Variants in MDN1 observed in about 807,000 individuals in gnomAD.
The protein encoded by MDN1 is midasin.
MDN1 carries 266 observed loss-of-function variants against 669.2 expected under a neutral mutation model. That is an observed-to-expected ratio of 0.40 (90% CI 0.36 to 0.44). MDN1 has a LOEUF of 0.44. Ranked by LOEUF, MDN1 falls within the 20% of genes least tolerant of loss-of-function variation. The pLI, the probability that MDN1 is intolerant of heterozygous loss-of-function variation, is 1.00. For synonymous variants in MDN1, 2,385 were observed against 2,457.1 expected, an observed-to-expected ratio of 0.97 and a Z score of 0.87; for missense variants, 5,940 against 6,754.0, an observed-to-expected ratio of 0.88 and a Z score of 4.22.
chr6:89,648,345 T>C lies in MDN1; in HGVS notation c.16207-16A>G. On this transcript the variant is annotated splice_polypyrimidine_tract_variant and intron_variant, in intron 97 of 101. Transcript: ENST00000369393. ...CAAATGCAAGCTGTGAATTAGAAAGTTAATGATTTTAGGAATCAGAATATC... is the reference window on the plus strand; with the variant it reads ...CAAATGCAAGCTGTGAATTAGAAAGCTAATGATTTTAGGAATCAGAATATC... 6.2e-7 allele frequency: 1 copy of C among 1,610,926 alleles called. No individual in the cohort carries two copies. Among genetic ancestry groups the C allele is most frequent in the South Asian group, 1.1e-5 (1 of 91,000 alleles).
At position 89,794,193 on chromosome 6, in the gene MDN1, C is replaced by G; in HGVS notation, c.569G>C (p.Cys190Ser). The part of the protein sequence containing the change: ...DTLVRWYTAN[C>S]LALVTCMNEE... Reference sequence around the variant, plus strand: ...ATTCATACAGGTAACCAAAGCAAGACAATTGGCTGTATACCTAGGGAAAAA... The same window carrying G: ...ATTCATACAGGTAACCAAAGCAAGAGAATTGGCTGTATACCTAGGGAAAAA... Residue 190 changes from cysteine to serine, a missense_variant, in exon 4 of 102, where the codon TGT becomes TCT. Physicochemically the swap from Cys to Ser is moderately radical, Grantham distance 112 (BLOSUM62 -1). Transcript: ENST00000369393. 1 of 1,585,330 alleles carries G rather than the reference C, an allele frequency of 6.3e-7. No individual in the cohort carries two copies. Among genetic ancestry groups the G allele is most frequent in the South Asian group, 1.2e-5 (1 of 86,022 alleles).
chr6:89,783,248 A>G (rs889487883), intron 9 of MDN1, among the ~76,000 whole-genome samples: 23 of 152,086 alleles, frequency 1.5e-4, no homozygotes, highest in African/African-American at 5.6e-4. Flanking sequence ...GAATATTAAT[A>G]TTAATACCCC....
intron 61 of MDN1, among the ~76,000 whole-genome samples, chr6:89,694,877 T>C (rs151301673): frequency 1.2e-4 from 19 of 152,252 alleles, no homozygotes; most frequent in Non-Finnish European, 1.8e-4. Flanking sequence ...GAGTTTTAGA[T>C]AGCAAGCACC....
intron 1 of MDN1, among the ~76,000 whole-genome samples, chr6:89,803,890 C>CTTT (rs370234875): frequency 1.1e-5 from 1 of 93,226 alleles, no homozygotes; most frequent in African/African-American, 4.1e-5. Flanking sequence ...CTTTTCTTTT[C>CTTT]TTTTCTTTTT....
In MDN1 at chr6:89,658,597, C is replaced by T; in HGVS notation, c.15021+13G>A. ...ATTATTTTTAACATAAAAAGCCAGA[C>T]ATCTCATGATACCTGGGGCTGGAAA... On this transcript the variant is annotated intron_variant, in intron 89 of 101. Transcript: ENST00000369393. 3.1e-6 allele frequency: 5 copies of T among 1,595,898 alleles called. No individual in the cohort carries two copies. The highest frequency in any genetic ancestry group is 2.7e-5 in the African/African-American group (2 of 74,202).
rs781716925 is a variant in MDN1 at position 89,719,111 on chromosome 6, T to C, written c.6057+25A>G. ...GAAACCATTAAAAAATGTCAAAGGA[T>C]AGAGGATTATCCTAGTCTCCTTACC... On this transcript the variant is annotated intron_variant, in intron 41 of 101. Coordinates refer to ENST00000369393, the MANE Select transcript of MDN1 (RefSeq NM_014611.3). The C allele has an allele frequency of 3.1e-6, 5 of 1,611,522 alleles. No individual in the cohort carries two copies. In the South Asian group the frequency reaches 3.3e-5, roughly 11 times the overall value.
At chr6:89,711,474 G>A (rs1406324560) in intron 49 of MDN1, among the ~76,000 whole-genome samples, 1 of 152,130 alleles carries the variant, frequency 6.6e-6, no homozygotes, top group Non-Finnish European at 1.5e-5. Context: ...GCATACAGGA[G>A]GATGTGTGTA....
At chr6:89,757,688 A>C (rs1389978790) in intron 19 of MDN1, among the ~76,000 whole-genome samples, 2 of 152,202 alleles carry the variant, frequency 1.3e-5, no homozygotes, top group Non-Finnish European at 2.9e-5. Flanking sequence ...AGGCAGGCAG[A>C]TCTCTTGAGC....
intron 94 of MDN1, 23 bp downstream of exon 94, chr6:89,652,969 C>T (rs780260616): frequency 6.2e-7 from 1 of 1,604,360 alleles, no homozygotes; most frequent in South Asian, 1.1e-5. Context: ...TATATTAATG[C>T]AGTAATTTGT....
chr6:89,767,768 G>A (rs1817871583), intron 15 of MDN1, among the ~76,000 whole-genome samples: 1 of 151,946 alleles, frequency 6.6e-6, no homozygotes, highest in African/African-American at 2.4e-5. Context: ...AACCTAGGCT[G>A]GGGATGGTGG....
rs372396250 is a variant in MDN1 at position 89,751,503 on chromosome 6, A to G, written c.3155T>C (p.Ile1052Thr). The change falls in exon 23 of 102, where the codon ATA (isoleucine) becomes ACA (threonine). Residue 1052 changes from isoleucine to threonine, a missense_variant. Physicochemically the swap from Ile to Thr is moderately conservative, Grantham distance 89 (BLOSUM62 -1). Around this residue, in one of 5 missense-constraint regions of MDN1, gnomAD observed 1,203 missense variants for 1,268.9 expected, o/e 0.95. Coordinates refer to ENST00000369393, the MANE Select transcript of MDN1 (RefSeq NM_014611.3). ...WIAVGDKEPT[I>T]DETYILTSSV... ...AGATGTCAGAATGTACGTCTCATCT[A>G]TTGTAGGCTCCTTGTCTCCCACCGC... 1.5e-5 allele frequency: 24 copies of G among 1,614,008 alleles called. No individual in the cohort carries two copies. Among genetic ancestry groups the G allele is most frequent in the Non-Finnish European group, 1.9e-5 (22 of 1,180,002 alleles).
intron 26 of MDN1, among the ~76,000 whole-genome samples, 188 bp from the exon 27 acceptor site, chr6:89,747,658 A>G (rs550659788): frequency 2.4e-4 from 36 of 152,022 alleles, no homozygotes; most frequent in South Asian, 1.0e-3. Flanking sequence ...TTGGAAGGCC[A>G]AGGCGGGCGG....
chr6:89,729,044 T>C lies in MDN1; in HGVS notation c.5236A>G (p.Lys1746Glu), dbSNP rs1404588157. ...GAACCCTCCAGGAGAATGGGCTTCT[T>C]CAGTTTGGTAGCTCTTAAGAGCCTC... ...AQRLLRATKLKKPILLEGSPG... is the reference protein window; with the variant it reads ...AQRLLRATKLEKPILLEGSPG... The change falls in exon 36 of 102, where the codon AAG (lysine) becomes GAG (glutamate). Residue 1746 changes from lysine (K) to glutamate (E), a missense_variant. Lys to Glu is a moderately conservative substitution (Grantham distance 56, BLOSUM62 1). Around this residue, in one of 5 missense-constraint regions of MDN1, gnomAD observed 2,292 missense variants for 2,638.3 expected, o/e 0.87. Transcript: ENST00000369393. 6.2e-7 allele frequency: 1 copy of C among 1,614,134 alleles called. No individual in the cohort carries two copies. Among genetic ancestry groups the C allele is most frequent in the Non-Finnish European group, 8.5e-7 (1 of 1,180,016 alleles).
chr6:89,702,273 G>A (rs983494027), intron 53 of MDN1, among the ~76,000 whole-genome samples: 64 of 152,200 alleles, frequency 4.2e-4, no homozygotes, highest in African/African-American at 1.5e-3. Context: ...AGACAGAGGA[G>A]GTGAAGATCT....
At position 89,781,063 on chromosome 6, in the gene MDN1, C is replaced by T. The variant is rs142445951; in HGVS notation, c.1643+336G>A. ...ATCCAAGAAGACTTATTTAAGACTC[C>T]AAGTGTCAGAAAAGGGCATTCAGTG... On this transcript the variant is annotated intron_variant, in intron 10 of 101. Coordinates refer to ENST00000369393, the MANE Select transcript of MDN1 (RefSeq NM_014611.3). Among the ~76,000 whole-genome samples, 57 of 151,878 alleles carry T rather than the reference C, an allele frequency of 3.8e-4. 1 individual carries two copies. The East Asian group carries it at 9.3e-3, about 25-fold the overall frequency.
rs1812152950 is a variant in MDN1 at position 89,688,256 on chromosome 6, A to T, written c.11260-83T>A. ...GGTACTGAAGAGAGTCCTGACCAGA[A>T]GATTCCCCCCAGTTCTCTACTTTTA... On this transcript the variant is annotated intron_variant, in intron 66 of 101. Coordinates refer to ENST00000369393, the MANE Select transcript of MDN1 (RefSeq NM_014611.3). 3.2e-6 allele frequency: 4 copies of T among 1,259,660 alleles called. No individual in the cohort carries two copies. In the East Asian group the frequency reaches 7.0e-5, roughly 22 times the overall value. 78.0% of individuals were successfully genotyped at this position (1,259,660 alleles called of 1,614,324 possible).
chr6:89,769,293 G>A (rs1009286659), intron 15 of MDN1, among the ~76,000 whole-genome samples: 2 of 152,086 alleles, frequency 1.3e-5, no homozygotes, highest in African/African-American at 4.8e-5. Flanking sequence ...TCTTAAACAA[G>A]GGAGTCACCT....
chr6:89,726,776 G>GAA (rs1315662877), intron 37 of MDN1, among the ~76,000 whole-genome samples: 1 of 152,110 alleles, frequency 6.6e-6, no homozygotes, highest in Non-Finnish European at 1.5e-5. Context: ...TGGTAACATA[G>GAA]AAAAAGGAGA....
At chr6:89,774,137 G>C (rs1818240875) in intron 13 of MDN1, among the ~76,000 whole-genome samples, 1 of 152,102 alleles carries the variant, frequency 6.6e-6, no homozygotes, top group South Asian at 2.1e-4. Flanking sequence ...AAACCACCAA[G>C]TTTATGGTAA....
Sources: allele counts gnomAD v4.1 joint callset (sites outside exome capture counted in the v4.1 genomes callset), GRCh38; gene constraint gnomAD v4.1.1; regional missense constraint gnomAD v4.1.1; transcripts MANE v1.5; gene names NCBI Gene and HGNC (gene_info 2026-07-23, HGNC 2026-07-21).